Variants in ROBO2 observed in about 807,000 individuals in gnomAD.
ROBO2 encodes roundabout guidance receptor 2.
A neutral mutation model predicts 160.8 loss-of-function variants in ROBO2; 53 were observed. The ratio of observed to expected loss-of-function variants is 0.33; its 90% CI spans 0.26 to 0.41. The LOEUF (loss-of-function observed/expected upper bound fraction) is 0.41. Among genes scored for constraint, ROBO2 ranks in the 10% least tolerant of loss-of-function variants. The pLI, the probability that ROBO2 is intolerant of heterozygous loss-of-function variation, is 1.00. For missense variants in ROBO2, 1,577 were observed against 1,722.4 expected (o/e 0.92, Z 1.49); for synonymous variants, 664 against 611.7 (o/e 1.09, Z -1.26).
At chr3:76,996,989 A>G (rs983696665) in intron 2 of ROBO2, among the ~76,000 whole-genome samples, 1 of 152,160 alleles carries the variant, frequency 6.6e-6, no homozygotes, top group African/African-American at 2.4e-5. Flanking sequence ...TAATGAGATG[A>G]GTAAAAAGAA....
At chr3:76,194,318 T>A (rs2107200271) in intron 2 of ROBO2, among the ~76,000 whole-genome samples, 1 of 145,030 alleles carries the variant, frequency 6.9e-6, no homozygotes, top group South Asian at 2.2e-4. Flanking sequence ...TCTCTTTTTA[T>A]GTATATATAT....
chr3:77,216,796 G>A (rs2085025103), intron 2 of ROBO2, among the ~76,000 whole-genome samples: 1 of 151,972 alleles, frequency 6.6e-6, no homozygotes. Flanking sequence ...TAAAGAGGTG[G>A]AATTACAAAA....
At chr3:75,940,242 T>C (rs1411483467) in intron 2 of ROBO2, among the ~76,000 whole-genome samples, 5 of 152,162 alleles carry the variant, frequency 3.3e-5, no homozygotes, top group Non-Finnish European at 2.9e-5. Flanking sequence ...ACGAGGAATG[T>C]AGATTAATAT....
intron 2 of ROBO2, among the ~76,000 whole-genome samples, chr3:76,508,966 G>A (rs2080940606): frequency 6.6e-6 from 1 of 152,128 alleles, no homozygotes; most frequent in Non-Finnish European, 1.5e-5. Flanking sequence ...ATTATACAAT[G>A]CATATGTAGA....
At chr3:76,171,820 A>G (rs562789246) in intron 2 of ROBO2, among the ~76,000 whole-genome samples, 1 of 152,152 alleles carries the variant, frequency 6.6e-6, no homozygotes, top group South Asian at 2.1e-4. Context: ...GAACCCTATT[A>G]TTTTTGGCCG....
chr3:76,555,377 AG>A (rs1293812909), intron 2 of ROBO2, among the ~76,000 whole-genome samples: 4 of 54,280 alleles, frequency 7.4e-5, no homozygotes, highest in African/African-American at 1.4e-4. Context: ...AAGAAGAAGA[AG>A]AAGAAGAAGA....
At chr3:77,625,979 G>C (rs532208091) in intron 23 of ROBO2, among the ~76,000 whole-genome samples, 1 of 151,984 alleles carries the variant, frequency 6.6e-6, no homozygotes, top group Non-Finnish European at 1.5e-5. Flanking sequence ...TAAAGCCTTT[G>C]TCCAGGTTAC....
intron 2 of ROBO2, among the ~76,000 whole-genome samples, chr3:76,381,574 C>G (rs745949497): frequency 1.3e-5 from 2 of 152,106 alleles, no homozygotes; most frequent in Non-Finnish European, 2.9e-5. Flanking sequence ...TGATCTCAAT[C>G]TCCTGACTTC....
At chr3:76,169,609 C>T (rs2072963775) in intron 2 of ROBO2, among the ~76,000 whole-genome samples, 1 of 152,114 alleles carries the variant, frequency 6.6e-6, no homozygotes, top group South Asian at 2.1e-4. Context: ...CTCTCTGCCA[C>T]TGAATCTGAC....
intron 2 of ROBO2, among the ~76,000 whole-genome samples, chr3:77,266,374 T>C (rs143924086): frequency 2.6e-5 from 4 of 152,158 alleles, no homozygotes; most frequent in Non-Finnish European, 2.9e-5. Flanking sequence ...CTCTTCCCTT[T>C]CCTTGTCCGT....
chr3:76,982,471 A>G (rs1442426078), intron 2 of ROBO2, among the ~76,000 whole-genome samples: 1 of 152,290 alleles, frequency 6.6e-6, no homozygotes, highest in East Asian at 1.9e-4. Context: ...CTTGATTAGC[A>G]TACCTTTGTA....
intron 2 of ROBO2, among the ~76,000 whole-genome samples, chr3:77,155,791 C>T (rs187235399): frequency 3.3e-5 from 5 of 152,066 alleles, no homozygotes; most frequent in Admixed American, 6.6e-5. Context: ...TTTGACCCCT[C>T]AAAAGCACTT....
intron 1 of ROBO2, among the ~76,000 whole-genome samples, chr3:75,919,032 T>C (rs773226832): frequency 2.9e-4 from 44 of 152,138 alleles, no homozygotes; most frequent in Non-Finnish European, 5.4e-4. Flanking sequence ...CTTTTATTTC[T>C]TTCTCTTGCT....
intron 2 of ROBO2, among the ~76,000 whole-genome samples, chr3:76,504,985 C>T (rs1433660846): frequency 2.0e-5 from 3 of 152,014 alleles, no homozygotes; most frequent in African/African-American, 7.3e-5. Flanking sequence ...ATTATGTTTG[C>T]TGTTGACACT....
At chr3:77,636,910 T>C (rs2095273057) in intron 24 of ROBO2, among the ~76,000 whole-genome samples, 1 of 152,186 alleles carries the variant, frequency 6.6e-6, no homozygotes, top group Non-Finnish European at 1.5e-5. Context: ...TGAATTAAAA[T>C]ATGTATCCTG....
At chr3:76,057,161 T>C (rs1344503811) in intron 2 of ROBO2, among the ~76,000 whole-genome samples, 1 of 152,218 alleles carries the variant, frequency 6.6e-6, no homozygotes, top group East Asian at 1.9e-4. Flanking sequence ...TAAGACCTTT[T>C]ATTTATACGT....
At chr3:77,163,785 C>A (rs1454876962) in intron 2 of ROBO2, among the ~76,000 whole-genome samples, 1 of 152,066 alleles carries the variant, frequency 6.6e-6, no homozygotes, top group East Asian at 1.9e-4. Context: ...GGTTTATAAT[C>A]TTTGAACTGA....
intron 2 of ROBO2, among the ~76,000 whole-genome samples, chr3:76,146,666 C>T (rs1043471509): frequency 2.0e-5 from 3 of 150,370 alleles, no homozygotes; most frequent in Admixed American, 1.3e-4. Context: ...TAATAGTCCC[C>T]ATTCTCACTT....
At chr3:76,671,161 A>G (rs1185363909) in intron 2 of ROBO2, among the ~76,000 whole-genome samples, 2 of 152,204 alleles carry the variant, frequency 1.3e-5, no homozygotes, top group East Asian at 3.8e-4. Context: ...TAATTAGTGG[A>G]TACATCTAAT....
Sources: gnomAD v4.1 joint callset for allele counts (sites outside exome capture counted in the v4.1 genomes callset) on GRCh38, gnomAD v4.1.1 for gene constraint, MANE v1.5 for transcripts, NCBI Gene and HGNC (gene_info 2026-07-23, HGNC 2026-07-21) for gene names.